NREP: variants seen among roughly 807,000 people sequenced by gnomAD.
The protein encoded by NREP is neuronal regeneration related protein.
A neutral mutation model predicts 8.6 loss-of-function variants in NREP; 5 were observed. The observed-to-expected ratio is 0.58, with a 90% confidence interval of 0.30 to 1.22. The LOEUF is 1.22. NREP is among the 50% of genes most tolerant of loss of function. NREP has a pLI of 0.07. For synonymous variants in NREP, 27 were observed against 28.0 expected, an observed-to-expected ratio of 0.96 and a Z score of 0.11; for missense variants, 86 against 82.5, an observed-to-expected ratio of 1.04 and a Z score of -0.17.
chr5:111,880,576 A>T (rs1327613673), intron 2 of NREP, among the ~76,000 whole-genome samples: 2 of 152,142 alleles, frequency 1.3e-5, no homozygotes, highest in Non-Finnish European at 2.9e-5. Flanking sequence ...AACATCAGTC[A>T]TATTGGATTA....
intron 2 of NREP, among the ~76,000 whole-genome samples, chr5:111,901,802 G>T (rs888512351): frequency 1.3e-5 from 2 of 151,662 alleles, no homozygotes; most frequent in Non-Finnish European, 2.9e-5. Context: ...AGAAACTGAA[G>T]ACAAAAACAA....
At position 111,813,974 on chromosome 5, in the gene NREP, A is replaced by C. The variant is rs542042879; in HGVS notation, c.136-78467T>G. Among the ~76,000 whole-genome samples the C allele has an allele frequency of 2.8e-4, 42 of 152,154 alleles. No homozygotes were observed. In the South Asian group the frequency reaches 8.3e-3, roughly 30 times the overall value. ...AAGTGCTCTCACCTCTGAACACACA[A>C]TTATTTCATAATTTTCTTATGAAAA... On this transcript the variant is annotated intron_variant, in intron 2 of 3. Coordinates refer to the NREP transcript ENST00000395634.
At chr5:111,807,581 G>A (rs1203176073) in intron 2 of NREP, among the ~76,000 whole-genome samples, 2 of 152,062 alleles carry the variant, frequency 1.3e-5, no homozygotes, top group African/African-American at 4.8e-5. Context: ...ACAGTAGAAG[G>A]TAAAAATCAA....
At chr5:111,916,866 A>G (rs1755074111) in intron 2 of NREP, among the ~76,000 whole-genome samples, 1 of 152,084 alleles carries the variant, frequency 6.6e-6, no homozygotes, top group South Asian at 2.1e-4. Context: ...CCTCAGAAGA[A>G]AGAACTCGAC....
intron 2 of NREP, among the ~76,000 whole-genome samples, chr5:111,795,003 A>G (rs1751843771): frequency 6.6e-6 from 1 of 152,082 alleles, no homozygotes. Flanking sequence ...TCTAAAAAAA[A>G]AAAAAAAAGA....
At chr5:111,838,292 T>C (rs1433394534) in intron 2 of NREP, among the ~76,000 whole-genome samples, 1 of 152,118 alleles carries the variant, frequency 6.6e-6, no homozygotes, top group Non-Finnish European at 1.5e-5. Flanking sequence ...ACATTTCAAG[T>C]GTTCAAAAGT....
intron 2 of NREP, among the ~76,000 whole-genome samples, chr5:111,744,668 A>C (rs1260784673): frequency 6.6e-6 from 1 of 152,078 alleles, no homozygotes; most frequent in Non-Finnish European, 1.5e-5. Context: ...GTCCGGCAGT[A>C]CCATGTGAGG....
intron 2 of NREP, among the ~76,000 whole-genome samples, chr5:111,865,903 T>C (rs566337860): frequency 5.3e-5 from 8 of 152,254 alleles, no homozygotes; most frequent in Admixed American, 5.2e-4. Context: ...ACTATAAATA[T>C]ATGTGACACA....
At chr5:111,801,377 A>G (rs1561672095) in intron 2 of NREP, among the ~76,000 whole-genome samples, 1 of 152,162 alleles carries the variant, frequency 6.6e-6, no homozygotes, top group Non-Finnish European at 1.5e-5. Context: ...TTAAATTCGA[A>G]AAGAAGGCAA....
At chr5:111,870,793 C>A (rs1355164383) in intron 2 of NREP, among the ~76,000 whole-genome samples, 1 of 152,030 alleles carries the variant, frequency 6.6e-6, no homozygotes, top group Non-Finnish European at 1.5e-5. Flanking sequence ...CAGCTGCAAG[C>A]CAAGGACTGT....
upstream of NREP, among the ~76,000 whole-genome samples, chr5:111,761,106 C>CT (rs1298387410): frequency 1.3e-5 from 2 of 152,172 alleles, no homozygotes; most frequent in African/African-American, 4.8e-5. Context: ...GTTTATTCAT[C>CT]TTTCAGTTGG....
intron 2 of NREP, among the ~76,000 whole-genome samples, chr5:111,824,818 T>C (rs1752585602): frequency 6.6e-6 from 1 of 152,248 alleles, no homozygotes; most frequent in Non-Finnish European, 1.5e-5. Flanking sequence ...GTTCCAGTTA[T>C]GTAGCCTTGA....
At chr5:111,874,662 AAG>A (rs1286836715) in intron 2 of NREP, among the ~76,000 whole-genome samples, 2 of 152,160 alleles carry the variant, frequency 1.3e-5, no homozygotes, top group South Asian at 2.1e-4. Flanking sequence ...GGAGTAGAGG[AAG>A]AGAGACACTT....
rs1455408316 is a variant in NREP at position 111,857,205 on chromosome 5, G to C, written c.135+118069C>G. ...GAGGAAGCGTGGGAGTCTTGTCCTA[G>C]TGTTTGTCACCCCACAGTGTGGGCC... On this transcript the variant is annotated intron_variant, in intron 2 of 3. Transcript: ENST00000395634. 2.6e-5 allele frequency among the ~76,000 whole-genome samples: 4 copies of C among 152,162 alleles called. No homozygotes were observed. The East Asian group carries it at 5.8e-4, about 22-fold the overall frequency.
chr5:111,767,321 G>A (rs1213404), intron 2 of NREP, among the ~76,000 whole-genome samples: 57,335 of 151,850 alleles, frequency 0.38, 11,182 homozygotes, highest in Admixed American at 0.45. Context: ...ATTAGTTTCC[G>A]AAGAATCTAT....
rs1178054017 is a variant in NREP at position 111,961,826 on chromosome 5, G to A, written c.135+13448C>T. Reference sequence around the variant, plus strand: ...TAAACACATGAAGTGACCATTTTGAGTGGTGAGGACTTAACAGGAGAGTTC... The same window carrying A: ...TAAACACATGAAGTGACCATTTTGAATGGTGAGGACTTAACAGGAGAGTTC... On this transcript the variant is annotated intron_variant, in intron 2 of 3. Coordinates refer to the NREP transcript ENST00000395634. Among the ~76,000 whole-genome samples the A allele has an allele frequency of 2.0e-5, 3 of 152,324 alleles. No individual in the cohort carries two copies. In the East Asian group the frequency reaches 5.8e-4, roughly 29 times the overall value.
At chr5:111,792,194 G>A (rs1292461818) in intron 2 of NREP, among the ~76,000 whole-genome samples, 4 of 152,138 alleles carry the variant, frequency 2.6e-5, no homozygotes, top group African/African-American at 9.7e-5. Flanking sequence ...TTTTATAGCC[G>A]AGGTTTTATA....
intron 2 of NREP, among the ~76,000 whole-genome samples, chr5:111,889,233 A>G (rs781077071): frequency 6.6e-6 from 1 of 152,234 alleles, no homozygotes; most frequent in Non-Finnish European, 1.5e-5. Flanking sequence ...AGAAGGCAAA[A>G]GAGGAAACAG....
At chr5:111,768,499 T>C (rs1345696548) in intron 2 of NREP, among the ~76,000 whole-genome samples, 1 of 152,208 alleles carries the variant, frequency 6.6e-6, no homozygotes, top group Admixed American at 6.5e-5. Context: ...AGTTAGTTTT[T>C]CAACCCTTGC....
Sources: gnomAD v4.1 joint callset for allele counts (sites outside exome capture counted in the v4.1 genomes callset) on GRCh38, gnomAD v4.1.1 for gene constraint, MANE v1.5 for transcripts, NCBI Gene and HGNC (gene_info 2026-07-23, HGNC 2026-07-21) for gene names.